ESRRG: variants seen among roughly 807,000 people sequenced by gnomAD.
ESRRG encodes estrogen related receptor gamma.
In ESRRG, 13 loss-of-function variants were observed where a neutral mutation model predicts 44.0. The ratio of observed to expected loss-of-function variants is 0.30; its 90% CI spans 0.19 to 0.47. The LOEUF is 0.47. Ranked by LOEUF, ESRRG falls within the 20% of genes least tolerant of loss-of-function variation. ESRRG has a pLI of 1.00. For missense variants in ESRRG, 395 were observed against 580.6 expected (o/e 0.68, Z 3.29); for synonymous variants, 215 against 214.6 (o/e 1.00, Z -0.02).
At chr1:216,955,164 G>A (rs970795612) in intron 1 of ESRRG, among the ~76,000 whole-genome samples, 12 of 151,852 alleles carry the variant, frequency 7.9e-5, no homozygotes, top group Non-Finnish European at 1.0e-4. Context: ...CTGTCATTTC[G>A]TATCTGTTAA....
chr1:216,509,795 A>G (rs2042191665), intron 6 of ESRRG, among the ~76,000 whole-genome samples: 1 of 152,192 alleles, frequency 6.6e-6, no homozygotes, highest in Non-Finnish European at 1.5e-5. Flanking sequence ...ATGCAAACTC[A>G]CTAAATTTGA....
At chr1:216,723,709 T>A (rs1316518428), upstream of ESRRG, among the ~76,000 whole-genome samples, 1 of 151,650 alleles carries the variant, frequency 6.6e-6, no homozygotes. Context: ...TCGGGTTTGA[T>A]TTTTTTTCCT....
chr1:216,987,833 G>A (rs1384110156), intron 1 of ESRRG, among the ~76,000 whole-genome samples: 2 of 152,068 alleles, frequency 1.3e-5, no homozygotes, highest in Admixed American at 6.6e-5. Context: ...GCTGTACCAG[G>A]GAATTGATCC....
chr1:216,846,272 G>A (rs960335830), intron 2 of ESRRG, among the ~76,000 whole-genome samples: 13 of 152,020 alleles, frequency 8.6e-5, no homozygotes, highest in African/African-American at 1.7e-4. Flanking sequence ...ACAGGAGAGC[G>A]TATTTCACTA....
chr1:216,704,631 T>C (rs1575543023), intron 1 of ESRRG, among the ~76,000 whole-genome samples: 1 of 152,080 alleles, frequency 6.6e-6, no homozygotes, highest in East Asian at 1.9e-4. Flanking sequence ...AAAAAAAAAT[T>C]CTCTTTTCAT....
intron 2 of ESRRG, among the ~76,000 whole-genome samples, chr1:216,900,146 G>T (rs952922982): frequency 1.3e-5 from 2 of 152,088 alleles, no homozygotes; most frequent in Non-Finnish European, 2.9e-5. Context: ...CATTATAAAA[G>T]ATTTAAACAA....
intron 2 of ESRRG, among the ~76,000 whole-genome samples, chr1:216,927,892 A>T (rs1174819473): frequency 1.3e-5 from 2 of 152,214 alleles, no homozygotes; most frequent in African/African-American, 4.8e-5. Flanking sequence ...AGGCTTAGAA[A>T]ACTGTAGCTA....
chr1:216,655,653 T>C (rs1239102136), intron 2 of ESRRG, among the ~76,000 whole-genome samples: 1 of 152,208 alleles, frequency 6.6e-6, no homozygotes, highest in African/African-American at 2.4e-5. Context: ...AATATTTTCT[T>C]TCAATAAAGT....
intron 1 of ESRRG, among the ~76,000 whole-genome samples, chr1:216,698,894 G>T (rs1037598929): frequency 1.3e-5 from 2 of 152,090 alleles, no homozygotes; most frequent in Admixed American, 6.5e-5. Flanking sequence ...CCTAGCCTAC[G>T]CCCACATGTA....
chr1:216,749,594 T>C (rs10863269), intron 2 of ESRRG, among the ~76,000 whole-genome samples: 32,248 of 152,106 alleles, frequency 0.21, 4,070 homozygotes, highest in African/African-American at 0.35. Flanking sequence ...TCCAAATGAT[T>C]TGCTTGAATG....
intron 1 of ESRRG, among the ~76,000 whole-genome samples, chr1:217,063,212 G>C (rs1331560571): frequency 1.3e-5 from 2 of 152,180 alleles, no homozygotes; most frequent in African/African-American, 4.8e-5. Flanking sequence ...CCAAGAGCAA[G>C]AGAGGACTAA....
rs773155899 is a variant in ESRRG, at chr1:216,677,421, G to T, written c.127C>A (p.Pro43Thr). 9.9e-6 allele frequency: 16 copies of T among 1,614,148 alleles called. No homozygotes were observed. The highest frequency in any genetic ancestry group is 1.7e-5 in the Admixed American group (1 of 60,028). The change falls in exon 2 of 7, where the codon CCT becomes ACT. Residue 43 changes from proline (P) to threonine (T), a missense_variant. By Grantham distance (38) the Pro-to-Thr change is conservative (BLOSUM62 -1). This residue lies in a region of ESRRG where 148 missense variants were observed against 150.4 expected (regional missense o/e 0.98). Transcript: ENST00000408911. ...SSCSSFIKTEPSSPASLTDSV... is the reference protein window; with the variant it reads ...SSCSSFIKTETSSPASLTDSV... ...TCCGTCAGGGAGGCTGGGCTGGAAG[G>T]TTCCGTCTTGATGAAGGACGAACAG...
intron 2 of ESRRG, among the ~76,000 whole-genome samples, chr1:216,886,345 A>T (rs1450748655): frequency 6.6e-6 from 1 of 152,226 alleles, no homozygotes; most frequent in Non-Finnish European, 1.5e-5. Flanking sequence ...TTGGCTGGAT[A>T]ACATAAGAAT....
intron 1 of ESRRG, among the ~76,000 whole-genome samples, chr1:217,105,502 G>A (rs962087341): frequency 1.3e-5 from 2 of 152,088 alleles, no homozygotes; most frequent in Admixed American, 6.6e-5. Context: ...AGAATGGTCC[G>A]AGTGCTCAAA....
At chr1:216,771,573 C>T (rs1351694138) in intron 2 of ESRRG, among the ~76,000 whole-genome samples, 3 of 152,014 alleles carry the variant, frequency 2.0e-5, no homozygotes, top group Admixed American at 2.0e-4. Context: ...AAATATGCAT[C>T]TAAAAGATTC....
chr1:216,606,173 T>G (rs1342744327), intron 3 of ESRRG, among the ~76,000 whole-genome samples: 1 of 152,124 alleles, frequency 6.6e-6, no homozygotes, highest in Admixed American at 6.5e-5. Context: ...GTGAAATACC[T>G]AGCTGTTATC....
At chr1:216,792,520 G>A (rs936770630) in intron 2 of ESRRG, among the ~76,000 whole-genome samples, 2 of 152,140 alleles carry the variant, frequency 1.3e-5, no homozygotes, top group African/African-American at 4.8e-5. Flanking sequence ...AGTCAAATCT[G>A]CCTAGGCATT....
At chr1:217,107,637 A>G (rs999513900) in intron 1 of ESRRG, among the ~76,000 whole-genome samples, 1 of 152,228 alleles carries the variant, frequency 6.6e-6, no homozygotes. Context: ...GAAGTTACCT[A>G]TTAGATATAT....
At chr1:217,134,229 G>A (rs1407899535) in intron 1 of ESRRG, among the ~76,000 whole-genome samples, 1 of 152,080 alleles carries the variant, frequency 6.6e-6, no homozygotes, top group Admixed American at 6.5e-5. Context: ...ACACACCCTG[G>A]GGAGTAGGTC....
Sources: allele counts gnomAD v4.1 joint callset (sites outside exome capture counted in the v4.1 genomes callset), GRCh38; gene constraint gnomAD v4.1.1; regional missense constraint gnomAD v4.1.1; transcripts MANE v1.5; gene names NCBI Gene and HGNC (gene_info 2026-07-23, HGNC 2026-07-21).